Variants in PRKCE observed in about 807,000 individuals in gnomAD.
PRKCE encodes protein kinase C epsilon type.
A neutral mutation model predicts 85.4 loss-of-function variants in PRKCE; 16 were observed. The ratio of observed to expected loss-of-function variants is 0.19; its 90% CI spans 0.13 to 0.28. The LOEUF is 0.28. Ranked by LOEUF, PRKCE falls within the 10% of genes least tolerant of loss-of-function variation. The pLI, the probability that PRKCE is intolerant of heterozygous loss-of-function variation, is 1.00. For missense variants in PRKCE, 573 were observed against 975.2 expected, an observed-to-expected ratio of 0.59 and a Z score of 5.49; for synonymous variants, 388 against 371.5, an observed-to-expected ratio of 1.04 and a Z score of -0.51.
intron 2 of PRKCE, among the ~76,000 whole-genome samples, chr2:45,960,937 C>T (rs541863044): frequency 6.6e-6 from 1 of 152,154 alleles, no homozygotes; most frequent in Non-Finnish European, 1.5e-5. Flanking sequence ...TAATGGCCCT[C>T]GCAGAGGCTT....
intron 1 of PRKCE, among the ~76,000 whole-genome samples, chr2:45,719,659 G>A (rs1206062583): frequency 1.3e-5 from 2 of 152,198 alleles, no homozygotes; most frequent in Non-Finnish European, 2.9e-5. Context: ...CTATGTAGCC[G>A]TAAAACACAC....
At chr2:45,877,132 A>G (rs1487114606) in intron 2 of PRKCE, among the ~76,000 whole-genome samples, 1 of 152,106 alleles carries the variant, frequency 6.6e-6, no homozygotes, top group Non-Finnish European at 1.5e-5. Context: ...CTAAGTAGGG[A>G]GTTATTTCCT....
At chr2:46,026,543 G>C (rs1042785977) in intron 10 of PRKCE, among the ~76,000 whole-genome samples, 8 of 152,162 alleles carry the variant, frequency 5.3e-5, no homozygotes, top group East Asian at 1.9e-4. Context: ...AAAATATTTA[G>C]GTTGAAAAGG....
At chr2:45,959,479 A>G (rs1026737816) in intron 2 of PRKCE, among the ~76,000 whole-genome samples, 4 of 152,110 alleles carry the variant, frequency 2.6e-5, no homozygotes, top group Admixed American at 6.6e-5. Context: ...GTGTTTGGAG[A>G]AAGAAGATCA....
intron 1 of PRKCE, among the ~76,000 whole-genome samples, chr2:45,801,810 G>A (rs1408778416): frequency 1.3e-5 from 2 of 152,168 alleles, no homozygotes; most frequent in Non-Finnish European, 2.9e-5. Context: ...TGCTGTGGGT[G>A]TGGCCTGAGG....
intron 2 of PRKCE, among the ~76,000 whole-genome samples, chr2:45,854,622 T>C (rs1429976936): frequency 2.6e-5 from 4 of 152,244 alleles, no homozygotes; most frequent in African/African-American, 9.6e-5. Flanking sequence ...TAAGAGGCGA[T>C]GGTTAAGCCA....
intron 2 of PRKCE, among the ~76,000 whole-genome samples, chr2:45,858,447 A>G (rs1286213638): frequency 6.6e-6 from 1 of 152,102 alleles, no homozygotes; most frequent in Non-Finnish European, 1.5e-5. Flanking sequence ...TTTTGGACTT[A>G]ATTTAAATCA....
intron 2 of PRKCE, among the ~76,000 whole-genome samples, chr2:45,952,181 C>T (rs769383966): frequency 2.6e-5 from 4 of 152,204 alleles, no homozygotes; most frequent in Admixed American, 2.0e-4. Flanking sequence ...AGACCTATCA[C>T]CTAGTCTGAT....
chr2:46,011,251 A>ACAGACATCAC (rs1164983185), intron 10 of PRKCE, among the ~76,000 whole-genome samples: 1 of 152,198 alleles, frequency 6.6e-6, no homozygotes, highest in Admixed American at 6.5e-5. Flanking sequence ...GAAGGCAAAG[A>ACAGACATCAC]CAGACATCAC....
intron 11 of PRKCE, among the ~76,000 whole-genome samples, chr2:46,127,623 G>A (rs995281385): frequency 6.6e-6 from 1 of 152,216 alleles, no homozygotes; most frequent in Admixed American, 6.5e-5. Context: ...ACACTGACTT[G>A]GATCTTGAGA....
intron 10 of PRKCE, among the ~76,000 whole-genome samples, chr2:46,063,527 C>T (rs1667343066): frequency 6.6e-6 from 1 of 152,124 alleles, no homozygotes; most frequent in African/African-American, 2.4e-5. Context: ...TTTCTGTGGT[C>T]TGGGCCCTCA....
chr2:46,167,878 GA>G (rs1210174834), intron 14 of PRKCE: 2 of 152,108 alleles, frequency 1.3e-5, no homozygotes, highest in African/African-American at 4.8e-5. Flanking sequence ...CCCCAGCCCT[GA>G]AGTGGTAGCA....
intron 14 of PRKCE, among the ~76,000 whole-genome samples, chr2:46,174,034 C>T (rs1176762192): frequency 6.6e-6 from 1 of 152,200 alleles, no homozygotes; most frequent in African/African-American, 2.4e-5. Flanking sequence ...GTTCAGAATG[C>T]CTGGCGGTCT....
At chr2:45,661,984 G>A (rs571180073) in intron 1 of PRKCE, among the ~76,000 whole-genome samples, 142 of 152,172 alleles carry the variant, frequency 9.3e-4, no homozygotes, top group Non-Finnish European at 1.6e-3. Context: ...CTTTCCCCAG[G>A]CAGATATAAG....
chr2:45,713,180 T>A (rs531006371), intron 1 of PRKCE, among the ~76,000 whole-genome samples: 3 of 152,276 alleles, frequency 2.0e-5, no homozygotes, highest in African/African-American at 7.2e-5. Flanking sequence ...GTGAAGTGGA[T>A]GCTTATTTAA....
intron 2 of PRKCE, among the ~76,000 whole-genome samples, chr2:45,940,980 C>T (rs913063908): frequency 4.0e-5 from 6 of 148,606 alleles, no homozygotes; most frequent in Admixed American, 2.1e-4. Context: ...GCAGGAGACT[C>T]GCTTGAGCCT....
At chr2:46,110,047 C>A (rs1277333258) in intron 11 of PRKCE, among the ~76,000 whole-genome samples, 2 of 152,074 alleles carry the variant, frequency 1.3e-5, no homozygotes. Flanking sequence ...GAATAAATCC[C>A]ACTTGGTTGT....
intron 10 of PRKCE, among the ~76,000 whole-genome samples, chr2:46,083,887 A>G (rs1198694382): frequency 6.6e-6 from 1 of 152,222 alleles, no homozygotes; most frequent in East Asian, 1.9e-4. Flanking sequence ...GCACAGATGC[A>G]AGATACCTAG....
At chr2:45,941,065 T>TAAAAAAAAAAAAAAAAAAAAAAAAAAAA (rs397781944) in intron 2 of PRKCE, among the ~76,000 whole-genome samples, 7 of 67,158 alleles carry the variant, frequency 1.0e-4, no homozygotes, top group Non-Finnish European at 1.5e-4. Context: ...GACTTCATCC[T>TAAAAAAAAAAAAAAAAAAAAAAAAAAAA]AAAAAAAAAA....
Sources: gnomAD v4.1 joint callset for allele counts (sites outside exome capture counted in the v4.1 genomes callset) on GRCh38, gnomAD v4.1.1 for gene constraint, MANE v1.5 for transcripts, NCBI Gene and HGNC (gene_info 2026-07-23, HGNC 2026-07-21) for gene names.